The following GABRG1 variants were observed in gnomAD, a reference collection of about 807,000 sequenced individuals.
GABRG1 encodes the protein gamma-aminobutyric acid type A receptor subunit gamma1, also known as gamma-aminobutyric acid receptor subunit gamma-1.
GABRG1 carries 49 observed loss-of-function variants against 49.8 expected under a neutral mutation model. The ratio of observed to expected loss-of-function variants is 0.98; its 90% CI spans 0.78 to 1.25. The LOEUF (loss-of-function observed/expected upper bound fraction) is 1.25. Among genes scored for constraint, GABRG1 ranks in the 50% most tolerant of loss-of-function variants. The pLI is 0.00. For synonymous variants in GABRG1, 232 were observed against 185.1 expected (o/e 1.25, Z -2.06); for missense variants, 552 against 552.3 (o/e 1.00, Z 0.01).
intron 8 of GABRG1, among the ~76,000 whole-genome samples, chr4:46,043,946 C>T (rs1379058339): frequency 6.6e-6 from 1 of 151,508 alleles, no homozygotes; most frequent in Non-Finnish European, 1.5e-5. Flanking sequence ...ATTACTTATA[C>T]CATCTGATAA....
At chr4:46,089,233 C>A (rs1194420388) in intron 2 of GABRG1, among the ~76,000 whole-genome samples, 1 of 151,788 alleles carries the variant, frequency 6.6e-6, no homozygotes, top group African/African-American at 2.4e-5. Context: ...GGGAATTGAG[C>A]CATATACAAT....
rs1343068299 is a variant in GABRG1, at chr4:46,038,123, T to C, written c.*2865A>G. The C allele has an allele frequency of 6.6e-6, 1 of 151,710 alleles. No homozygotes were observed. The highest frequency in any genetic ancestry group is 2.1e-4 in the South Asian group (1 of 4,826). 9.4% of individuals were successfully genotyped at this position (151,710 alleles called of 1,614,324 possible). On this transcript the variant is annotated 3_prime_UTR_variant, in exon 9 of 9. Coordinates refer to ENST00000295452, the MANE Select transcript of GABRG1 (RefSeq NM_173536.4). ...AAAATGCCTCCAATTAGTTATCTAA[T>C]TCCCACTTACATCAAGACTTCAGAC...
chr4:46,090,879 G>A (rs1044596504), intron 2 of GABRG1, among the ~76,000 whole-genome samples: 9 of 151,054 alleles, frequency 6.0e-5, no homozygotes, highest in African/African-American at 2.2e-4. Flanking sequence ...TATTTGGCTG[G>A]AGAGACAAAA....
chr4:46,092,029 A>G (rs1307638565), intron 2 of GABRG1, among the ~76,000 whole-genome samples: 1 of 152,070 alleles, frequency 6.6e-6, no homozygotes, highest in Non-Finnish European at 1.5e-5. Context: ...GATATTTATG[A>G]AGTTTGGAAA....
At chr4:46,053,078 T>C (rs1718292700) in intron 7 of GABRG1, among the ~76,000 whole-genome samples, 1 of 151,946 alleles carries the variant, frequency 6.6e-6, no homozygotes, top group Non-Finnish European at 1.5e-5. Flanking sequence ...ACAAACACAG[T>C]AATATCTTGC....
chr4:46,095,781 C>G (rs1162478686), intron 2 of GABRG1, among the ~76,000 whole-genome samples: 1 of 151,790 alleles, frequency 6.6e-6, no homozygotes, highest in Non-Finnish European at 1.5e-5. Flanking sequence ...ACTAAAATAA[C>G]TTTAGCAAAA....
In GABRG1 at chr4:46,039,578, C is replaced by A. The variant is rs1228622858; in HGVS notation, c.*1410G>T. ...CATTGGTCTTGGCAACAGAAACAATCTTTAAAGGTTATTTCCAAGCTAAAC... is the reference window on the plus strand; with the variant it reads ...CATTGGTCTTGGCAACAGAAACAATATTTAAAGGTTATTTCCAAGCTAAAC... On this transcript the variant is annotated 3_prime_UTR_variant, in exon 9 of 9. Coordinates refer to ENST00000295452, the MANE Select transcript of GABRG1 (RefSeq NM_173536.4). 3.3e-5 allele frequency: 5 copies of A among 151,644 alleles called. No homozygotes were observed. Among genetic ancestry groups the A allele is most frequent in the South Asian group, 2.1e-4 (1 of 4,822 alleles). 9.4% of individuals were successfully genotyped at this position (151,644 alleles called of 1,614,324 possible).
At chr4:46,046,856 C>A (rs933562445) in intron 8 of GABRG1, among the ~76,000 whole-genome samples, 2 of 152,212 alleles carry the variant, frequency 1.3e-5, no homozygotes, top group South Asian at 4.1e-4. Flanking sequence ...TGAAAACATA[C>A]ATAGAAATAT....
chr4:46,049,125 G>A (rs1718116759), intron 8 of GABRG1, among the ~76,000 whole-genome samples: 1 of 151,686 alleles, frequency 6.6e-6, no homozygotes, highest in Non-Finnish European at 1.5e-5. Context: ...AAGACAAAGA[G>A]GAAAGGAGAG....
intron 7 of GABRG1, among the ~76,000 whole-genome samples, chr4:46,056,329 A>G (rs891930590): frequency 6.6e-6 from 1 of 151,918 alleles, no homozygotes; most frequent in Admixed American, 6.6e-5. Flanking sequence ...TCTGAACCCC[A>G]AAGCATGGCA....
At chr4:46,078,178 T>A (rs1489147998) in intron 3 of GABRG1, among the ~76,000 whole-genome samples, 4 of 151,932 alleles carry the variant, frequency 2.6e-5, no homozygotes, top group Non-Finnish European at 4.4e-5. Flanking sequence ...TAATAGATTT[T>A]AAAAATACAA....
intron 2 of GABRG1, among the ~76,000 whole-genome samples, chr4:46,088,042 G>T (rs1719845827): frequency 6.6e-6 from 1 of 152,026 alleles, no homozygotes; most frequent in South Asian, 2.1e-4. Flanking sequence ...ACAGCCACTT[G>T]TGGCCAGTGC....
intron 3 of GABRG1, among the ~76,000 whole-genome samples, chr4:46,080,138 G>A (rs1385186156): frequency 2.0e-5 from 3 of 151,666 alleles, no homozygotes; most frequent in Non-Finnish European, 4.4e-5. Context: ...TGCATTTTAT[G>A]TATCCAAGTT....
chr4:46,084,200 C>G (rs557156030), intron 2 of GABRG1, 147 bp from the exon 3 acceptor site: 9 of 585,984 alleles, frequency 1.5e-5, no homozygotes, highest in Non-Finnish European at 2.1e-5. Flanking sequence ...AGAAATGTAG[C>G]CTTTATAAAA....
chr4:46,106,948 A>G (rs999217313), intron 1 of GABRG1, among the ~76,000 whole-genome samples: 1 of 151,312 alleles, frequency 6.6e-6, no homozygotes, highest in Non-Finnish European at 1.5e-5. Context: ...AAGTAGGTGT[A>G]TATATTTAAG....
Position 46,112,844 on chromosome 4 carries a change from G to A in GABRG1, c.104+10966C>T, listed in dbSNP as rs184499719. The stretch of plus-strand genomic sequence containing the variant: ...CATTGGGTACTATGATTCGTATATC[G>A]CTGATGGGATTATTCCTACTTCAAA... On this transcript the variant is annotated intron_variant, in intron 1 of 8. Transcript: ENST00000295452. 7.4e-4 allele frequency among the ~76,000 whole-genome samples: 111 copies of A among 150,962 alleles called. 1 individual carries two copies. The highest frequency in any genetic ancestry group is 1.2e-3 in the Non-Finnish European group (82 of 67,336).
intron 8 of GABRG1, among the ~76,000 whole-genome samples, chr4:46,051,133 G>T (rs1718202707): frequency 6.6e-6 from 1 of 151,792 alleles, no homozygotes; most frequent in Non-Finnish European, 1.5e-5. Context: ...CAAAAAATCG[G>T]ATCAAAGGTA....
In GABRG1 at chr4:46,040,964, T is replaced by C; in HGVS notation, c.*24A>G. Reference sequence around the variant, plus strand: ...CTACTGAATTTAGTCAGACTTCTTTTGATTTTTGCTTATGAAGTAGATTTT... The same window carrying C: ...CTACTGAATTTAGTCAGACTTCTTTCGATTTTTGCTTATGAAGTAGATTTT... On this transcript the variant is annotated 3_prime_UTR_variant, in exon 9 of 9. Transcript: ENST00000295452. The C allele has an allele frequency of 1.9e-6, 3 of 1,591,260 alleles. No individual in the cohort carries two copies. Among genetic ancestry groups the C allele is most frequent in the Non-Finnish European group, 2.6e-6 (3 of 1,169,248 alleles).
At chr4:46,062,137 T>G (rs998950679) in intron 5 of GABRG1, among the ~76,000 whole-genome samples, 1 of 151,260 alleles carries the variant, frequency 6.6e-6, no homozygotes, top group Non-Finnish European at 1.5e-5. Flanking sequence ...TTTGGTTTTT[T>G]GTCCTTGTGA....
Sources: allele counts gnomAD v4.1 joint callset (sites outside exome capture counted in the v4.1 genomes callset), GRCh38; gene constraint gnomAD v4.1.1; transcripts MANE v1.5; gene names NCBI Gene and HGNC (gene_info 2026-07-23, HGNC 2026-07-21).